Variants in CMTM4 observed in about 807,000 individuals in gnomAD.
CMTM4 encodes CKLF-like MARVEL transmembrane domain-containing protein 4.
In CMTM4, 8 loss-of-function variants were observed where a neutral mutation model predicts 19.0. That is an observed-to-expected ratio of 0.42 (90% confidence interval 0.25 to 0.76). The LOEUF (loss-of-function observed/expected upper bound fraction) is 0.76. Among genes scored for constraint, CMTM4 ranks in the 30% least tolerant of loss-of-function variants. The pLI, the probability that CMTM4 is intolerant of heterozygous loss-of-function variation, is 0.27. For missense variants in CMTM4, 228 were observed against 290.2 expected, an observed-to-expected ratio of 0.79 and a Z score of 1.56; for synonymous variants, 106 against 121.1, an observed-to-expected ratio of 0.88 and a Z score of 0.82.
chr16:66,696,352 C>T lies in CMTM4; in HGVS notation c.174G>A (p.Lys58=). 1 of 1,416,298 alleles carries T rather than the reference C, an allele frequency of 7.1e-7. No individual in the cohort carries two copies. Among genetic ancestry groups the T allele is most frequent in the South Asian group, 1.4e-5 (1 of 71,678 alleles). The allele number at this position is 1,416,298 out of a possible 1,614,324, so 87.7% of individuals were successfully genotyped here. A position where few individuals can be genotyped will look rare whatever the true frequency, so the allele number is the denominator to read the frequency against. ...GCCCGGCACCTACCACTTGGGCGAC[C>T]TTGAGGCGGCCGAGCGCGCCGCGCA... The part of the protein sequence containing the change: ...DYLRGALGRL[K]VAQVILALIA... The change falls in exon 1 of 4, where the codon AAG becomes AAA. Residue 58 remains lysine (K), a synonymous_variant. Coordinates refer to ENST00000394106, the MANE Select transcript of CMTM4 (RefSeq NM_181521.3). This position sits in a 1 kb window ranked among gnomAD's most constrained non-coding sequence, Gnocchi z 4.3.
At chr16:66,608,196 T>G in the CMTM4 span, 1 of 1,167,296 alleles carries the variant, frequency 8.6e-7, no homozygotes, top group Non-Finnish European at 1.2e-6. The surrounding 1 kb of genome is among the most constrained non-coding windows in gnomAD (Gnocchi z 5.1). Flanking sequence ...CTGTGAGCAG[T>G]TGGCTTCCCC....
chr16:66,600,117 T>TGTGA, the CMTM4 span, among the ~76,000 whole-genome samples: 1 of 145,386 alleles, frequency 6.9e-6, no homozygotes, highest in Non-Finnish European at 1.5e-5. Flanking sequence ...TCCTTTTGTG[T>TGTGA]GTGTGTGTGT....
At chr16:66,634,265 C>T (rs1471496490) in intron 2 of CMTM4, among the ~76,000 whole-genome samples, 1 of 151,862 alleles carries the variant, frequency 6.6e-6, no homozygotes, top group East Asian at 1.9e-4. Context: ...GATGGTGAAA[C>T]CCCATCTCTA....
At chr16:66,607,161 G>A in the CMTM4 span, among the ~76,000 whole-genome samples, 7,503 of 152,300 alleles carry the variant, frequency 0.049, 336 homozygotes, top group East Asian at 0.15. Flanking sequence ...CAGGGTACCA[G>A]GCACTGTGGA....
Position 66,617,328 on chromosome 16 carries a change from C to G in CMTM4, c.*4730G>C. 6.2e-7 allele frequency: 1 copy of G among 1,613,960 alleles called. No individual in the cohort carries two copies. The highest frequency in any genetic ancestry group is 8.5e-7 in the Non-Finnish European group (1 of 1,179,974). On this transcript the variant is annotated 3_prime_UTR_variant, in exon 4 of 4. Coordinates refer to ENST00000394106, the MANE Select transcript of CMTM4 (RefSeq NM_181521.3). The stretch of plus-strand genomic sequence containing the variant: ...TCAGCAGGTTTGTGGGTGATTTTTT[C>G]CTTACTGTTACGTTTGTGGAGTAGG...
At chr16:66,668,403 T>C (rs1336261409) in intron 1 of CMTM4, among the ~76,000 whole-genome samples, 1 of 152,202 alleles carries the variant, frequency 6.6e-6, no homozygotes, top group African/African-American at 2.4e-5. Flanking sequence ...AGAGTTGCTA[T>C]GACCACAGAA....
chr16:66,690,357 C>A (rs991731877), intron 1 of CMTM4, among the ~76,000 whole-genome samples: 2 of 152,260 alleles, frequency 1.3e-5, no homozygotes, highest in Non-Finnish European at 2.9e-5. Context: ...AGGAACCCAG[C>A]TGAACCTCAG....
At chr16:66,663,429 C>A (rs2016534227) in intron 1 of CMTM4, among the ~76,000 whole-genome samples, 1 of 151,950 alleles carries the variant, frequency 6.6e-6, no homozygotes, top group East Asian at 1.9e-4. Context: ...TTACTGGAGC[C>A]CAGGAGTTCA....
intron 1 of CMTM4, among the ~76,000 whole-genome samples, chr16:66,683,176 C>CAT (rs71378404): frequency 0.44 from 46,050 of 105,444 alleles, 9,774 homozygotes; most frequent in Middle Eastern, 0.59. Context: ...TATATATATA[C>CAT]ATATGTATAT....
the CMTM4 span, chr16:66,604,673 T>C: frequency 1.0e-5 from 6 of 597,936 alleles, no homozygotes; most frequent in African/African-American, 5.2e-5. Flanking sequence ...GGGCGGGGCG[T>C]GGCGGCGGGG....
chr16:66,620,759 A>G lies in CMTM4; in HGVS notation c.*1299T>C. The G allele has an allele frequency of 1.0e-6, 1 of 985,844 alleles. No individual in the cohort carries two copies. The highest frequency in any genetic ancestry group is 1.7e-5 in the African/African-American group (1 of 57,350). The allele number at this position is 985,844 out of a possible 1,614,324, so 61.1% of individuals were successfully genotyped here. A position where few individuals can be genotyped will look rare whatever the true frequency, so the allele number is the denominator to read the frequency against. Reference sequence around the variant, plus strand: ...CTAAAGTGAGGTTTGTAAACATTAAAAACAGTTCAAAGAGGGAAAACCTGA... The same window carrying G: ...CTAAAGTGAGGTTTGTAAACATTAAGAACAGTTCAAAGAGGGAAAACCTGA... On this transcript the variant is annotated 3_prime_UTR_variant, in exon 4 of 4. Coordinates refer to ENST00000394106, the MANE Select transcript of CMTM4 (RefSeq NM_181521.3).
intron 2 of CMTM4, among the ~76,000 whole-genome samples, chr16:66,630,671 G>A (rs577215635): frequency 3.9e-5 from 6 of 152,006 alleles, no homozygotes; most frequent in Admixed American, 2.0e-4. Flanking sequence ...GTGCAGTGGC[G>A]TGATCTCGGC....
At chr16:66,661,555 A>G (rs2016499082) in intron 1 of CMTM4, among the ~76,000 whole-genome samples, 1 of 152,244 alleles carries the variant, frequency 6.6e-6, no homozygotes. Context: ...AGTAACATTA[A>G]GTCCAAATTT....
the CMTM4 span, chr16:66,608,528 A>T: frequency 6.5e-7 from 1 of 1,545,532 alleles, no homozygotes. The surrounding 1 kb of genome is among the most constrained non-coding windows in gnomAD (Gnocchi z 5.1). Context: ...AGGAGTCCAG[A>T]GTCGTGCACT....
chr16:66,671,057 A>G (rs1262782367), intron 1 of CMTM4, among the ~76,000 whole-genome samples: 18 of 152,170 alleles, frequency 1.2e-4, no homozygotes, highest in Admixed American at 1.2e-3. Flanking sequence ...GTAATCAGAG[A>G]GTAAGTTTTT....
chr16:66,611,397 T>C (rs1021697426), downstream of CMTM4, among the ~76,000 whole-genome samples: 1 of 151,684 alleles, frequency 6.6e-6, no homozygotes, highest in African/African-American at 2.4e-5. Context: ...TGCAGTGACC[T>C]GAGATCAAGA....
chr16:66,604,568 G>A, the CMTM4 span: 1 of 326,334 alleles, frequency 3.1e-6, no homozygotes, highest in Non-Finnish European at 5.5e-6. Flanking sequence ...GGAGTCTGCG[G>A]AGGCCCCAGG....
rs2015565587 is a variant in CMTM4 at position 66,618,394 on chromosome 16, C to A, written c.*3664G>T. 1.0e-6 allele frequency: 1 copy of A among 985,278 alleles called. No homozygotes were observed. The allele number at this position is 985,278 out of a possible 1,614,324, so 61.0% of individuals were successfully genotyped here. A position where few individuals can be genotyped will look rare whatever the true frequency, so the allele number is the denominator to read the frequency against. ...AATAGGAACCCTTAAATCATCACTG[C>A]CTTGCAGAATCACTAAATTGTTCAG... is the stretch of plus-strand genomic sequence containing the variant. On this transcript the variant is annotated 3_prime_UTR_variant, in exon 4 of 4. Coordinates refer to ENST00000394106, the MANE Select transcript of CMTM4 (RefSeq NM_181521.3).
At chr16:66,639,646 G>A (rs2016063323) in intron 1 of CMTM4, among the ~76,000 whole-genome samples, 1 of 152,178 alleles carries the variant, frequency 6.6e-6, no homozygotes, top group Non-Finnish European at 1.5e-5. Context: ...ACTTCAGGAG[G>A]TTGAGGCGGG....
Sources: allele counts gnomAD v4.1 joint callset (sites outside exome capture counted in the v4.1 genomes callset), GRCh38; gene constraint gnomAD v4.1.1; non-coding constraint Gnocchi (gnomAD v3.1); transcripts MANE v1.5; gene names NCBI Gene and HGNC (gene_info 2026-07-23, HGNC 2026-07-21).